VGLL4: variants seen among roughly 807,000 people sequenced by gnomAD.
The protein encoded by VGLL4 is vestigial like family member 4, also known as transcription cofactor vestigial-like protein 4.
VGLL4 carries 7 observed loss-of-function variants against 21.0 expected under a neutral mutation model. The observed-to-expected ratio is 0.33, with a 90% CI of 0.19 to 0.63. VGLL4 has a LOEUF of 0.63. Ranked by LOEUF, VGLL4 falls within the 20% of genes least tolerant of loss-of-function variation. The probability of loss-of-function intolerance (pLI) is 0.78; values close to 1 mark genes in which losing one functional copy is unlikely to be tolerated. For synonymous variants in VGLL4, 222 were observed against 173.2 expected, an observed-to-expected ratio of 1.28 and a Z score of -2.21; for missense variants, 394 against 425.7, an observed-to-expected ratio of 0.93 and a Z score of 0.66.
chr3:11,618,997 T>C (rs765578963), intron 1 of VGLL4, among the ~76,000 whole-genome samples: 1 of 152,222 alleles, frequency 6.6e-6, no homozygotes, highest in Non-Finnish European at 1.5e-5. Context: ...ACTTAAGATA[T>C]AAAGGCCAAT....
At chr3:11,639,320 GACA>G (rs1347227815) in intron 1 of VGLL4, among the ~76,000 whole-genome samples, 2 of 152,234 alleles carry the variant, frequency 1.3e-5, no homozygotes, top group East Asian at 3.9e-4. Flanking sequence ...TGCACAGGCA[GACA>G]AAAGGAAAGC....
chr3:11,709,985 C>A (rs1298760901), intron 1 of VGLL4, among the ~76,000 whole-genome samples: 2 of 152,132 alleles, frequency 1.3e-5, no homozygotes, highest in African/African-American at 2.4e-5. Flanking sequence ...TCTGGTGAGA[C>A]CTCAGGAAGC....
chr3:11,592,066 A>C (rs2074512762), intron 2 of VGLL4, among the ~76,000 whole-genome samples: 1 of 152,252 alleles, frequency 6.6e-6, no homozygotes, highest in South Asian at 2.1e-4. Flanking sequence ...CACTGACCCT[A>C]CCAAGTTTAG....
chr3:11,620,082 T>C (rs2075236350), intron 1 of VGLL4, among the ~76,000 whole-genome samples: 1 of 152,134 alleles, frequency 6.6e-6, no homozygotes, highest in African/African-American at 2.4e-5. Flanking sequence ...TGTTGGGTAC[T>C]GAGAAGAGAT....
At chr3:11,573,698 A>G (rs2073945238) in intron 2 of VGLL4, among the ~76,000 whole-genome samples, 1 of 152,216 alleles carries the variant, frequency 6.6e-6, no homozygotes, top group Non-Finnish European at 1.5e-5. Flanking sequence ...TTACCAGCGC[A>G]GTTGAGCATC....
intron 2 of VGLL4, among the ~76,000 whole-genome samples, chr3:11,598,444 TTAGC>T (rs1212822056): frequency 6.6e-6 from 1 of 152,146 alleles, no homozygotes; most frequent in African/African-American, 2.4e-5. Context: ...TCAGGCCTTG[TTAGC>T]TAGCTACCGA....
chr3:11,564,120 G>A (rs558526320), intron 3 of VGLL4, among the ~76,000 whole-genome samples: 4 of 152,336 alleles, frequency 2.6e-5, no homozygotes, highest in Admixed American at 1.3e-4. Flanking sequence ...GAGAGCTCAA[G>A]CAGTAATTTT....
upstream of VGLL4, among the ~76,000 whole-genome samples, chr3:11,646,117 A>C (rs1575491138): frequency 6.6e-6 from 1 of 152,218 alleles, no homozygotes; most frequent in Non-Finnish European, 1.5e-5. Context: ...ATTTATAAGA[A>C]TATTTATTGA....
At chr3:11,608,090 C>A (rs73814923) in intron 1 of VGLL4, among the ~76,000 whole-genome samples, 6,767 of 152,178 alleles carry the variant, frequency 0.044, 156 homozygotes, top group Middle Eastern at 0.058. Context: ...AACATGTATT[C>A]GAAATTTCAC....
At chr3:11,704,288 C>G (rs1470890894) in intron 1 of VGLL4, among the ~76,000 whole-genome samples, 1 of 145,776 alleles carries the variant, frequency 6.9e-6, no homozygotes, top group Non-Finnish European at 1.5e-5. Flanking sequence ...GAGGCTCAGG[C>G]AGGAAGATCG....
intron 2 of VGLL4, among the ~76,000 whole-genome samples, chr3:11,651,324 T>C (rs545697501): frequency 1.5e-4 from 21 of 140,774 alleles, no homozygotes; most frequent in Admixed American, 3.6e-4. Context: ...GCCTAAGCGA[T>C]AGAGTGAGAC....
chr3:11,646,897 C>G (rs1200371781), upstream of VGLL4, among the ~76,000 whole-genome samples: 2 of 152,098 alleles, frequency 1.3e-5, no homozygotes, highest in Non-Finnish European at 2.9e-5. Context: ...GTTCCTAGTC[C>G]CCAAAAGCTA....
intron 2 of VGLL4, among the ~76,000 whole-genome samples, chr3:11,600,913 T>C (rs879265097): frequency 6.6e-6 from 1 of 152,090 alleles, no homozygotes; most frequent in Admixed American, 6.5e-5. Flanking sequence ...CTCCCTCCAA[T>C]ACTCAGTGCA....
rs766685780 is a variant in VGLL4 at position 11,564,943 on chromosome 3, G to A, written c.349C>T (p.Pro117Ser). The A allele has an allele frequency of 5.7e-6, 9 of 1,578,670 alleles. 1 individual carries two copies. The South Asian group carries it at 6.9e-5, about 12-fold the overall frequency. The change falls in exon 3 of 5, where the codon CCC becomes TCC. Residue 117 changes from proline (P) to serine (S), a missense_variant. Coordinates refer to ENST00000430365, the MANE Select transcript of VGLL4 (RefSeq NM_001128219.3). Reference protein sequence around the residue: ...SRSPIERAVAPTMSLHGSHLY... With the variant: ...SRSPIERAVASTMSLHGSHLY... ...TGGCTGCCGTGCAGGCTCATGGTGG[G>A]GGCCACAGCGCGCTCGATGGGGCTG...
intron 1 of VGLL4, among the ~76,000 whole-genome samples, chr3:11,715,396 C>T (rs1043088549): frequency 6.6e-6 from 1 of 151,982 alleles, no homozygotes; most frequent in Non-Finnish European, 1.5e-5. Flanking sequence ...TGCAATGGTG[C>T]GATCTCAGCT....
intron 2 of VGLL4, 57 bp downstream of exon 2, chr3:11,601,776 C>CA (rs2074803397): frequency 6.3e-7 from 1 of 1,579,932 alleles, no homozygotes; most frequent in African/African-American, 1.4e-5. Context: ...AGTTGCAAAA[C>CA]AAATAAGGCC....
chr3:11,595,849 G>GGA (rs1559887700), intron 2 of VGLL4, among the ~76,000 whole-genome samples: 2 of 149,024 alleles, frequency 1.3e-5, no homozygotes, highest in Non-Finnish European at 3.0e-5. Flanking sequence ...TGTGGGGGGG[G>GGA]CGGGGAATAG....
At chr3:11,577,442 A>G (rs530867427) in intron 2 of VGLL4, among the ~76,000 whole-genome samples, 1 of 152,094 alleles carries the variant, frequency 6.6e-6, no homozygotes, top group African/African-American at 2.4e-5. Context: ...AAAATACAAA[A>G]ATTAGCCAAG....
rs1575336813 is a variant in VGLL4 at position 11,558,418 on chromosome 3, A to G, written c.*138T>C. ...GTACAAAAACAGAACACAAATCCCA[A>G]CAACATGGTTTTTGCAAATAAACCA... On this transcript the variant is annotated 3_prime_UTR_variant, in exon 5 of 5. Coordinates refer to ENST00000430365, the MANE Select transcript of VGLL4 (RefSeq NM_001128219.3). 1.5e-6 allele frequency: 2 copies of G among 1,356,736 alleles called. No homozygotes were observed. Among genetic ancestry groups the G allele is most frequent in the South Asian group, 3.0e-5 (2 of 66,032 alleles). 84.0% of individuals were successfully genotyped at this position (1,356,736 alleles called of 1,614,324 possible). A position where few individuals can be genotyped will look rare whatever the true frequency, so the allele number is the denominator to read the frequency against.
Sources: allele counts gnomAD v4.1 joint callset (sites outside exome capture counted in the v4.1 genomes callset), GRCh38; gene constraint gnomAD v4.1.1; transcripts MANE v1.5; gene names NCBI Gene and HGNC (gene_info 2026-07-23, HGNC 2026-07-21).